NT5DC2: variants seen among roughly 807,000 people sequenced by gnomAD.
NT5DC2 encodes 5'-nucleotidase domain containing 2.
A neutral mutation model predicts 70.0 loss-of-function variants in NT5DC2; 41 were observed. That is an observed-to-expected ratio of 0.59 (90% CI 0.46 to 0.76). The LOEUF is 0.76. Ranked by LOEUF, NT5DC2 falls within the 30% of genes least tolerant of loss-of-function variation. The pLI is 0.00. For synonymous variants in NT5DC2, 299 were observed against 310.4 expected, an observed-to-expected ratio of 0.96 and a Z score of 0.39; for missense variants, 705 against 783.2, an observed-to-expected ratio of 0.90 and a Z score of 1.19.
At position 52,527,279 on chromosome 3, in the gene NT5DC2, C is replaced by T. The variant is rs779698311; in HGVS notation, c.1119+15G>A. The stretch of plus-strand genomic sequence containing the variant: ...ATGCCCCCACCACATGCTGCTCTCC[C>T]CAGATGGCCCTTACCTGCCGATAGA... On this transcript the variant is annotated intron_variant, in intron 10 of 13. Coordinates refer to ENST00000422318, the MANE Select transcript of NT5DC2 (RefSeq NM_001134231.2). 1 of 1,613,434 alleles carries T rather than the reference C, an allele frequency of 6.2e-7. No individual in the cohort carries two copies. The highest frequency in any genetic ancestry group is 8.5e-7 in the Non-Finnish European group (1 of 1,179,510).
In NT5DC2 at chr3:52,533,739, C is replaced by A; in HGVS notation, c.-2G>T. The A allele has an allele frequency of 1.0e-6, 1 of 978,842 alleles. No homozygotes were observed. The highest frequency in any genetic ancestry group is 1.2e-6 in the Non-Finnish European group (1 of 826,566). The allele number at this position is 978,842 out of a possible 1,614,324, so 60.6% of individuals were successfully genotyped here. On this transcript the variant is annotated 5_prime_UTR_variant, in exon 1 of 14. Transcript: ENST00000422318. ...CGCCCGCAGCCCCGCACCCGCCATGCCCACCGCGCGCCGCCCGCCGCCCGC... is the reference window on the plus strand; with the variant it reads ...CGCCCGCAGCCCCGCACCCGCCATGACCACCGCGCGCCGCCCGCCGCCCGC...
chr3:52,532,509 C>T (rs2079374471), intron 1 of NT5DC2: 12 of 985,390 alleles, frequency 1.2e-5, no homozygotes, highest in Non-Finnish European at 1.4e-5. Context: ...CCCACAAAGC[C>T]GGAGTGAAAA....
At position 52,533,844 on chromosome 3, in the gene NT5DC2, G is replaced by T. The variant is rs2079395439; in HGVS notation, c.-107C>A. 3.1e-6 allele frequency: 3 copies of T among 980,644 alleles called. No homozygotes were observed. Among genetic ancestry groups the T allele is most frequent in the South Asian group, 4.6e-5 (1 of 21,834 alleles). The allele number at this position is 980,644 out of a possible 1,614,324, so 60.7% of individuals were successfully genotyped here. ...GCCACGGTGGCCTCGTGCTCCTCAC[G>T]GCGGCCGGCCAATGGGTGCGGCGCG... On this transcript the variant is annotated 5_prime_UTR_variant, in exon 1 of 14. Coordinates refer to ENST00000422318, the MANE Select transcript of NT5DC2 (RefSeq NM_001134231.2).
At position 52,529,266 on chromosome 3, in the gene NT5DC2, G is replaced by C. The variant is rs1395245842; in HGVS notation, c.301C>G (p.Leu101Val). 1 of 1,613,870 alleles carries C rather than the reference G, an allele frequency of 6.2e-7. No homozygotes were observed. The highest frequency in any genetic ancestry group is 8.5e-7 in the Non-Finnish European group (1 of 1,179,998). Residue 101 changes from leucine (L) to valine (V), a missense_variant, in exon 2 of 14, where the codon CTG becomes GTG. Transcript: ENST00000422318. This position sits in a 1 kb window ranked among gnomAD's most constrained non-coding sequence, Gnocchi z 4.1. Reference protein sequence around the residue: ...AAIYANNEISLRDVEVYGFDY... With the variant: ...AAIYANNEISVRDVEVYGFDY... Reference sequence around the variant, plus strand: ...AAGCCGTAGACCTCAACGTCACGCAGGCTGATCTCGTTGTTGGCGTAGATG... The same window carrying C: ...AAGCCGTAGACCTCAACGTCACGCACGCTGATCTCGTTGTTGGCGTAGATG...
chr3:52,524,891 C>T lies in NT5DC2; in HGVS notation c.1348-10G>A. The stretch of plus-strand genomic sequence containing the variant: ...CCGCGTCCTGATAGGTCTGGGGACA[C>T]AAAGTGTGCATTGGGTGTGTGCACC... On this transcript the variant is annotated splice_polypyrimidine_tract_variant and intron_variant, in intron 12 of 13. Coordinates refer to ENST00000422318, the MANE Select transcript of NT5DC2 (RefSeq NM_001134231.2). 2 of 1,612,162 alleles carry T rather than the reference C, an allele frequency of 1.2e-6. No individual in the cohort carries two copies. Among genetic ancestry groups the T allele is most frequent in the Non-Finnish European group, 1.7e-6 (2 of 1,179,684 alleles).
At chr3:52,527,578 TC>T in intron 9 of NT5DC2, 38 bp downstream of exon 9, 1 of 1,600,420 alleles carries the variant, frequency 6.2e-7, no homozygotes. Context: ...GGGCCTCTAT[TC>T]CCCTTCCCTG....
At chr3:52,530,142 A>T (rs780819790) in intron 1 of NT5DC2, among the ~76,000 whole-genome samples, 23 of 152,358 alleles carry the variant, frequency 1.5e-4, no homozygotes, top group Non-Finnish European at 3.2e-4. Context: ...TGCTGGCTCT[A>T]GCCAGGGAAC....
chr3:52,529,017 A>G lies in NT5DC2; in HGVS notation c.418-82T>C. Reference sequence around the variant, plus strand: ...GGTGGCCACCCCAGGGGGTCAATCCAGCCACCTGCCCAGGGCAGCTGCCAG... The same window carrying G: ...GGTGGCCACCCCAGGGGGTCAATCCGGCCACCTGCCCAGGGCAGCTGCCAG... On this transcript the variant is annotated intron_variant, in intron 2 of 13. Transcript: ENST00000422318. This position sits in a 1 kb window ranked among gnomAD's most constrained non-coding sequence, Gnocchi z 4.1. 6.3e-7 allele frequency: 1 copy of G among 1,588,004 alleles called. No individual in the cohort carries two copies. Among genetic ancestry groups the G allele is most frequent in the Non-Finnish European group, 8.6e-7 (1 of 1,157,552 alleles).
chr3:52,533,947 C>T (rs928611134), upstream of NT5DC2: 107 of 536,380 alleles, frequency 2.0e-4, no homozygotes, highest in Non-Finnish European at 2.5e-4. Flanking sequence ...CGGGGCGGGG[C>T]GGGGAGGGCT....
rs2079330416 is a variant in NT5DC2 at position 52,529,420 on chromosome 3, G to A, written c.233-86C>T. Reference sequence around the variant, plus strand: ...CTCCTGAGCACTCTGTGGGGACCTAGCCCTGTGAGCCTCAGAAACGCCCCA... The same window carrying A: ...CTCCTGAGCACTCTGTGGGGACCTAACCCTGTGAGCCTCAGAAACGCCCCA... On this transcript the variant is annotated intron_variant, in intron 1 of 13. Transcript: ENST00000422318. The surrounding 1 kb of genome is among the most constrained non-coding windows in gnomAD (Gnocchi z 4.1). 1.5e-6 allele frequency: 2 copies of A among 1,302,310 alleles called. No homozygotes were observed. Among genetic ancestry groups the A allele is most frequent in the African/African-American group, 2.9e-5 (2 of 68,352 alleles). The allele number at this position is 1,302,310 out of a possible 1,614,324, so 80.7% of individuals were successfully genotyped here. A position where few individuals can be genotyped will look rare whatever the true frequency, so the allele number is the denominator to read the frequency against.
At position 52,524,950 on chromosome 3, in the gene NT5DC2, C is replaced by T. The variant is rs749114175; in HGVS notation, c.1347+13G>A. The T allele has an allele frequency of 6.2e-7, 1 of 1,612,078 alleles. No homozygotes were observed. The highest frequency in any genetic ancestry group is 1.7e-5 in the Admixed American group (1 of 59,958). On this transcript the variant is annotated intron_variant, in intron 12 of 13. Coordinates refer to ENST00000422318, the MANE Select transcript of NT5DC2 (RefSeq NM_001134231.2). ...TACCGCCCTGGCCCTCCCACAGCCA[C>T]CCCGGCCCACACCTGCATGCGCTCC... is the stretch of plus-strand genomic sequence containing the variant.
chr3:52,533,686 C>A lies in NT5DC2; in HGVS notation c.52G>T (p.Gly18Cys). The part of the protein sequence containing the change: ...AAARRWLLCG[G>C]HGGPRAASSS... The stretch of plus-strand genomic sequence containing the variant: ...GAGGCGGCTCGCGGCCCGCCGTGGC[C>A]TCCGCACAGCAGCCAGCGCCGAGCG... Residue 18 changes from glycine (G) to cysteine (C), a missense_variant, in exon 1 of 14, where the codon GGC (glycine) becomes TGC (cysteine). Coordinates refer to ENST00000422318, the MANE Select transcript of NT5DC2 (RefSeq NM_001134231.2). The A allele has an allele frequency of 9.2e-7, 1 of 1,091,832 alleles. No homozygotes were observed. Among genetic ancestry groups the A allele is most frequent in the Non-Finnish European group, 1.1e-6 (1 of 899,646 alleles). 67.6% of individuals were successfully genotyped at this position (1,091,832 alleles called of 1,614,324 possible). A position where few individuals can be genotyped will look rare whatever the true frequency, so the allele number is the denominator to read the frequency against.
chr3:52,525,360 G>A lies in NT5DC2; in HGVS notation c.1120-65C>T, dbSNP rs571559873. 2.8e-5 allele frequency: 37 copies of A among 1,320,548 alleles called. No individual in the cohort carries two copies. The East Asian group carries it at 6.0e-4, about 21-fold the overall frequency. The allele number at this position is 1,320,548 out of a possible 1,614,324, so 81.8% of individuals were successfully genotyped here. ...TTGTCCTCCACCAGTCCTCCCTCCC[G>A]AATCCCCAGAGGCAGCCCAAATCCA... On this transcript the variant is annotated intron_variant, in intron 10 of 13. Transcript: ENST00000422318.
chr3:52,525,538 C>T, intron 10 of NT5DC2: 1 of 543,022 alleles, frequency 1.8e-6, no homozygotes, highest in South Asian at 2.1e-5. Context: ...CGAGGGCCTT[C>T]TCCCTGTGGT....
chr3:52,528,095 G>C, intron 6 of NT5DC2, 22 bp from the exon 7 acceptor site: 2 of 1,612,924 alleles, frequency 1.2e-6, no homozygotes, highest in Non-Finnish European at 1.7e-6. Flanking sequence ...GGAGGACAAT[G>C]AGGGTACAGC....
chr3:52,524,820 A>C lies in NT5DC2; in HGVS notation c.1409T>G (p.Leu470Arg). Residue 470 changes from leucine (L) to arginine (R), a missense_variant, in exon 13 of 14, where the codon CTG (leucine) becomes CGG (arginine). Transcript: ENST00000422318. ...LAAWMKERQE[L>R]RCITKALFNA... ...TGCCCTGGCCCCACCTGCTCACCTC[A>C]GCTCCTGCCGCTCTTTCATCCAGGC... 1 of 1,612,468 alleles carries C rather than the reference A, an allele frequency of 6.2e-7. No homozygotes were observed. The highest frequency in any genetic ancestry group is 8.5e-7 in the Non-Finnish European group (1 of 1,179,936).
Position 52,529,318 on chromosome 3 carries a change from C to T in NT5DC2, c.249G>A (p.Glu83=), listed in dbSNP as rs2079328395. The T allele has an allele frequency of 1.7e-5, 28 of 1,613,524 alleles. No individual in the cohort carries two copies. The highest frequency in any genetic ancestry group is 2.4e-5 in the Non-Finnish European group (28 of 1,179,926). The part of the protein sequence containing the change: ...RRLVHDLLPP[E]VCSLLNPAAI... ...CTGCTGGGTTCAGGAGACTGCAGAC[C>T]TCGGGGGGCAGGAGGTCTAGAGGAA... The change falls in exon 2 of 14, where the codon GAG becomes GAA. Residue 83 remains glutamate, a synonymous_variant. Coordinates refer to ENST00000422318, the MANE Select transcript of NT5DC2 (RefSeq NM_001134231.2). This position sits in a 1 kb window ranked among gnomAD's most constrained non-coding sequence, Gnocchi z 4.1.
chr3:52,534,963 C>T, upstream of NT5DC2: 1 of 350,658 alleles, frequency 2.9e-6, no homozygotes, highest in Non-Finnish European at 5.2e-6. Flanking sequence ...GGAACCTGGC[C>T]ACAAGTGAAC....
In NT5DC2 at chr3:52,528,940, C is replaced by T. The variant is rs180832651; in HGVS notation, c.418-5G>A. The T allele has an allele frequency of 4.8e-5, 77 of 1,613,914 alleles. No homozygotes were observed. In the Admixed American group the frequency reaches 8.7e-4, roughly 18 times the overall value. On this transcript the variant is annotated splice_region_variant and splice_polypyrimidine_tract_variant and intron_variant, in intron 2 of 13. Transcript: ENST00000422318. ...CTTCCGAATCCCTTCTGGGTACTGC[C>T]GGGGGAAAGGGGCCAGGCCTAAGCC...
Sources: allele counts gnomAD v4.1 joint callset (sites outside exome capture counted in the v4.1 genomes callset), GRCh38; gene constraint gnomAD v4.1.1; non-coding constraint Gnocchi (gnomAD v3.1); transcripts MANE v1.5; gene names NCBI Gene and HGNC (gene_info 2026-07-23, HGNC 2026-07-21).